Variants in TEAD1 observed in about 807,000 individuals in gnomAD.
TEAD1 encodes transcriptional enhancer factor TEF-1.
A neutral mutation model predicts 54.9 loss-of-function variants in TEAD1; 9 were observed. That is an observed-to-expected ratio of 0.16 (90% CI 0.10 to 0.29). TEAD1 has a LOEUF of 0.29. Ranked by LOEUF, TEAD1 falls within the 10% of genes least tolerant of loss-of-function variation. TEAD1 has a pLI of 1.00. For synonymous variants in TEAD1, 200 were observed against 187.8 expected (o/e 1.07, Z -0.53); for missense variants, 387 against 535.9 (o/e 0.72, Z 2.74).
chr11:12,847,947 T>C (rs1170608956), intron 3 of TEAD1, among the ~76,000 whole-genome samples: 1 of 152,196 alleles, frequency 6.6e-6, no homozygotes, highest in African/African-American at 2.4e-5. Flanking sequence ...AGGCCACTGC[T>C]TTCTCTGTCG....
At chr11:12,716,897 G>T (rs117784739) in intron 2 of TEAD1, among the ~76,000 whole-genome samples, 1 of 152,212 alleles carries the variant, frequency 6.6e-6, no homozygotes, top group Admixed American at 6.5e-5. Context: ...CTGGCTCTGC[G>T]TTCCCGACAT....
intron 3 of TEAD1, among the ~76,000 whole-genome samples, chr11:12,798,210 G>A (rs1945977493): frequency 6.6e-6 from 1 of 152,070 alleles, no homozygotes. Flanking sequence ...GAGATGACGT[G>A]TACCCATCCT....
At chr11:12,763,686 C>G (rs1432882741) in intron 2 of TEAD1, among the ~76,000 whole-genome samples, 1 of 152,172 alleles carries the variant, frequency 6.6e-6, no homozygotes, top group Non-Finnish European at 1.5e-5. Flanking sequence ...GTGAAGTGGA[C>G]ATTTTAAAAA....
At chr11:12,771,735 C>G (rs1318105197) in intron 3 of TEAD1, among the ~76,000 whole-genome samples, 2 of 152,178 alleles carry the variant, frequency 1.3e-5, no homozygotes, top group East Asian at 1.9e-4. Context: ...GGAGCCTCAT[C>G]ATCAGAGAAG....
At chr11:12,812,066 G>A (rs990375108) in intron 3 of TEAD1, among the ~76,000 whole-genome samples, 2 of 152,108 alleles carry the variant, frequency 1.3e-5, no homozygotes, top group East Asian at 1.9e-4. Context: ...TGGATGGATC[G>A]TCTCACACAG....
intron 9 of TEAD1, among the ~76,000 whole-genome samples, chr11:12,897,158 G>A (rs1396348576): frequency 2.0e-5 from 3 of 152,118 alleles, no homozygotes; most frequent in Non-Finnish European, 4.4e-5. Context: ...TCTCTTATGA[G>A]TATTTGTTTT....
At chr11:12,863,679 C>T (rs1016526823) in intron 4 of TEAD1, among the ~76,000 whole-genome samples, 2 of 152,084 alleles carry the variant, frequency 1.3e-5, no homozygotes, top group African/African-American at 4.8e-5. Flanking sequence ...TGGATCTAAT[C>T]ATCTACATTC....
At chr11:12,816,031 G>A (rs930212009) in intron 3 of TEAD1, among the ~76,000 whole-genome samples, 1 of 152,186 alleles carries the variant, frequency 6.6e-6, no homozygotes, top group African/African-American at 2.4e-5. Context: ...GAATTCTTAG[G>A]AACCTAGACA....
At chr11:12,912,334 G>A (rs1564987895) in intron 10 of TEAD1, among the ~76,000 whole-genome samples, 2 of 152,214 alleles carry the variant, frequency 1.3e-5, no homozygotes. Flanking sequence ...GAAGTGGGCA[G>A]AAGTTGCTGT....
At position 12,899,904 on chromosome 11, in the gene TEAD1, T is replaced by C. The variant is rs147856535; in HGVS notation, c.700-2036T>C. On this transcript the variant is annotated intron_variant, in intron 9 of 12. Coordinates refer to ENST00000527636, the MANE Select transcript of TEAD1 (RefSeq NM_021961.6). Reference sequence around the variant, plus strand: ...TATGCAACACTGGCATCAGATGGAGTGTCCAGCCTCCTGTCTTTTGGCATG... The same window carrying C: ...TATGCAACACTGGCATCAGATGGAGCGTCCAGCCTCCTGTCTTTTGGCATG... 4.7e-3 allele frequency among the ~76,000 whole-genome samples: 716 copies of C among 152,260 alleles called. 9 individuals carry two copies. The highest frequency in any genetic ancestry group is 0.016 in the African/African-American group (683 of 41,544).
At chr11:12,799,832 A>G (rs1946012497) in intron 3 of TEAD1, among the ~76,000 whole-genome samples, 1 of 152,068 alleles carries the variant, frequency 6.6e-6, no homozygotes, top group Non-Finnish European at 1.5e-5. Context: ...AAAATAATGT[A>G]GTGTTTTGCT....
At chr11:12,847,213 A>G (rs1590208254) in intron 3 of TEAD1, among the ~76,000 whole-genome samples, 1 of 141,190 alleles carries the variant, frequency 7.1e-6, no homozygotes, top group East Asian at 2.0e-4. Context: ...CAACAGTAGC[A>G]ATATCATTAA....
intron 2 of TEAD1, among the ~76,000 whole-genome samples, chr11:12,722,081 AC>A (rs1423732216): frequency 1.3e-5 from 2 of 152,196 alleles, no homozygotes; most frequent in Admixed American, 1.3e-4. Context: ...TGGTCTGTGA[AC>A]CACACATGGA....
chr11:12,888,550 A>G (rs1186945039), intron 9 of TEAD1, among the ~76,000 whole-genome samples: 1 of 152,162 alleles, frequency 6.6e-6, no homozygotes, highest in Non-Finnish European at 1.5e-5. Context: ...CACCAAAGCC[A>G]AGAGAAGAAC....
intron 3 of TEAD1, among the ~76,000 whole-genome samples, chr11:12,778,510 T>C (rs1300690876): frequency 1.3e-5 from 2 of 151,390 alleles, no homozygotes; most frequent in Non-Finnish European, 2.9e-5. Flanking sequence ...TAACTGTCCA[T>C]TAAAGGCCTC....
At chr11:12,784,018 G>A (rs1242005376) in intron 3 of TEAD1, among the ~76,000 whole-genome samples, 1 of 152,158 alleles carries the variant, frequency 6.6e-6, no homozygotes. Context: ...TCTCCCATAA[G>A]GAGGCTGACA....
At chr11:12,723,101 A>AT (rs1944245577) in intron 2 of TEAD1, among the ~76,000 whole-genome samples, 1 of 151,916 alleles carries the variant, frequency 6.6e-6, no homozygotes, top group African/African-American at 2.4e-5. Context: ...GGGCACAATT[A>AT]TTTTTTTGGC....
At chr11:12,710,652 T>C (rs376610573) in intron 2 of TEAD1, among the ~76,000 whole-genome samples, 1 of 152,138 alleles carries the variant, frequency 6.6e-6, no homozygotes, top group Non-Finnish European at 1.5e-5. Context: ...GGCACTGGGA[T>C]GACACTGTTG....
intron 10 of TEAD1, among the ~76,000 whole-genome samples, chr11:12,908,035 A>G (rs1300688618): frequency 6.6e-6 from 1 of 152,106 alleles, no homozygotes; most frequent in Non-Finnish European, 1.5e-5. Context: ...TTTCATATAT[A>G]TGTTCTGTAT....
Sources: allele counts gnomAD v4.1 joint callset (sites outside exome capture counted in the v4.1 genomes callset), GRCh38; gene constraint gnomAD v4.1.1; transcripts MANE v1.5; gene names NCBI Gene and HGNC (gene_info 2026-07-23, HGNC 2026-07-21).